Variants in FBXL5 observed in about 807,000 individuals in gnomAD.
FBXL5 encodes the protein F-box and leucine rich repeat protein 5.
FBXL5 carries 26 observed loss-of-function variants against 78.3 expected under a neutral mutation model. The ratio of observed to expected loss-of-function variants is 0.33; its 90% confidence interval spans 0.24 to 0.46. The LOEUF (loss-of-function observed/expected upper bound fraction) is 0.46, where lower values mean the gene tolerates loss of function less well. Ranked by LOEUF, FBXL5 falls within the 20% of genes least tolerant of loss-of-function variation. The probability of loss-of-function intolerance (pLI) is 1.00; values close to 1 mark genes in which losing one functional copy is unlikely to be tolerated. For missense variants in FBXL5, 710 were observed against 829.2 expected, an observed-to-expected ratio of 0.86 and a Z score of 1.77; for synonymous variants, 295 against 282.5, an observed-to-expected ratio of 1.04 and a Z score of -0.45.
At chr4:15,664,548 TC>T (rs1717452022), upstream of FBXL5, among the ~76,000 whole-genome samples, 2 of 127,582 alleles carry the variant, frequency 1.6e-5, no homozygotes, top group South Asian at 2.6e-4. Context: ...TGGGCCCTCA[TC>T]CTTTTTTTTT....
Position 15,655,221 on chromosome 4 carries a change from C to T in FBXL5, c.67G>A (p.Gly23Arg). 1.4e-6 allele frequency: 2 copies of T among 1,434,860 alleles called. No homozygotes were observed. Among genetic ancestry groups the T allele is most frequent in the Non-Finnish European group, 1.9e-6 (2 of 1,073,460 alleles). 88.9% of individuals were successfully genotyped at this position (1,434,860 alleles called of 1,614,324 possible). ...APHWRMKQLVGLYCDKLSKTN... is the reference protein window; with the variant it reads ...APHWRMKQLVRLYCDKLSKTN... The stretch of plus-strand genomic sequence containing the variant: ...TCCGTTACCTTGTCGCAGTAGAGCC[C>T]CACCAGCTGCTTCATCCGCCAGTGT... Residue 23 changes from glycine to arginine, a missense_variant, in exon 1 of 11, where the codon GGG becomes AGG. Gly to Arg is a moderately radical substitution (Grantham distance 125, BLOSUM62 -2). Coordinates refer to ENST00000341285, the MANE Select transcript of FBXL5 (RefSeq NM_012161.4).
Position 15,627,997 on chromosome 4 carries a change from G to A in FBXL5, c.929C>T (p.Ala310Val). 6.2e-7 allele frequency: 1 copy of A among 1,613,648 alleles called. No individual in the cohort carries two copies. Among genetic ancestry groups the A allele is most frequent in the Non-Finnish European group, 8.5e-7 (1 of 1,179,808 alleles). ...SAEESIAISI[A>V]QMEKRLLHGL... is the part of the protein sequence containing the mutation. ...ATGGAGTAAACGTTTTTCCATTTGT[G>A]CAATGCTGATAGCAATTGATTCCTC... The change falls in exon 7 of 11, where the codon GCA becomes GTA. Residue 310 changes from alanine (A) to valine (V), a missense_variant. By Grantham distance (64) the Ala-to-Val change is moderately conservative (BLOSUM62 0). Transcript: ENST00000341285.
intron 1 of FBXL5, among the ~76,000 whole-genome samples, chr4:15,648,793 G>C (rs1715632350): frequency 6.6e-6 from 1 of 152,186 alleles, no homozygotes; most frequent in Non-Finnish European, 1.5e-5. Context: ...ATAAGGTACA[G>C]TATGGTGACT....
At chr4:15,677,552 T>C (rs1718039277) in intron 1 of FBXL5, among the ~76,000 whole-genome samples, 2 of 152,118 alleles carry the variant, frequency 1.3e-5, no homozygotes, top group Non-Finnish European at 2.9e-5. Flanking sequence ...GAGACTGAGT[T>C]CAAATAAGTG....
At chr4:15,609,547 T>G (rs906773292) in intron 10 of FBXL5, among the ~76,000 whole-genome samples, 5 of 152,018 alleles carry the variant, frequency 3.3e-5, no homozygotes, top group Admixed American at 2.0e-4. Context: ...TATGAGCTAA[T>G]CTATCTTAAT....
At chr4:15,638,401 T>C in intron 4 of FBXL5, 107 bp downstream of exon 4, 3 of 692,370 alleles carry the variant, frequency 4.3e-6, no homozygotes, top group Middle Eastern at 3.0e-4. Flanking sequence ...CTGACCACAG[T>C]GCAGGCCTAA....
At chr4:15,655,943 G>T (rs1258613918), upstream of FBXL5, among the ~76,000 whole-genome samples, 1 of 152,232 alleles carries the variant, frequency 6.6e-6, no homozygotes. Flanking sequence ...CTTCGGTCCC[G>T]GGCGGCAGCC....
intron 10 of FBXL5, among the ~76,000 whole-genome samples, chr4:15,610,109 A>T (rs1429723729): frequency 6.6e-6 from 1 of 152,076 alleles, no homozygotes; most frequent in Non-Finnish European, 1.5e-5. Flanking sequence ...CAGAAATAAT[A>T]AAAATAGTAA....
intron 1 of FBXL5, among the ~76,000 whole-genome samples, chr4:15,654,794 C>G (rs1267900447): frequency 6.6e-6 from 1 of 151,930 alleles, no homozygotes; most frequent in Non-Finnish European, 1.5e-5. Context: ...AACAACTACT[C>G]GGTGCAGATG....
chr4:15,644,850 T>C, intron 1 of FBXL5, 142 bp from the exon 2 acceptor site: 1 of 631,420 alleles, frequency 1.6e-6, no homozygotes, highest in Non-Finnish European at 2.7e-6. Flanking sequence ...AAGAAATTCA[T>C]AAATTAACAA....
chr4:15,675,572 ATTTTTTTTTTTT>A (rs60660814), intron 1 of FBXL5, among the ~76,000 whole-genome samples: 1 of 96,704 alleles, frequency 1.0e-5, no homozygotes, highest in Non-Finnish European at 2.0e-5. Flanking sequence ...CAAAACTCCT[ATTTTTTTTTTTT>A]TTTTTTTTTT....
chr4:15,666,553 C>T, intron 1 of FBXL5, among the ~76,000 whole-genome samples: 1 of 125,620 alleles, frequency 8.0e-6, no homozygotes, highest in Non-Finnish European at 1.9e-5. Context: ...GTCAGGTAGA[C>T]AGGAGGAATA....
upstream of FBXL5, among the ~76,000 whole-genome samples, chr4:15,659,555 T>A (rs1050802304): frequency 2.0e-5 from 3 of 152,200 alleles, no homozygotes; most frequent in African/African-American, 7.2e-5. Flanking sequence ...TATAGAGTAG[T>A]CCCATTCCTT....
rs1490312764 is a variant in FBXL5 at position 15,625,566 on chromosome 4, G to T, written c.1536C>A (p.Asn512Lys). 6.2e-7 allele frequency: 1 copy of T among 1,614,194 alleles called. No individual in the cohort carries two copies. Among genetic ancestry groups the T allele is most frequent in the Non-Finnish European group, 8.5e-7 (1 of 1,180,042 alleles). Residue 512 changes from asparagine to lysine, a missense_variant, in exon 9 of 11, where the codon AAC becomes AAA. This residue lies in a region of FBXL5 where 517 missense variants were observed against 542.9 expected (regional missense o/e 0.95). Coordinates refer to ENST00000341285, the MANE Select transcript of FBXL5 (RefSeq NM_012161.4). The stretch of plus-strand genomic sequence containing the variant: ...AACAACCAGAGGTGGAACAACTAAA[G>T]TTGGATGCTGTTTCCATTACACAAA... The part of the protein sequence containing the change: ...ESLCVMETAS[N>K]FSCSTSGCFS...
chr4:15,605,896 T>C, intron 10 of FBXL5, 97 bp from the exon 11 acceptor site: 1 of 826,848 alleles, frequency 1.2e-6, no homozygotes, highest in Non-Finnish European at 2.0e-6. Flanking sequence ...TTGGTTTTAC[T>C]AGCAGTACTT....
At chr4:15,627,166 G>A (rs1339906640) in intron 7 of FBXL5, among the ~76,000 whole-genome samples, 3 of 121,028 alleles carry the variant, frequency 2.5e-5, no homozygotes, top group African/African-American at 9.7e-5. Context: ...ACAGAGTCTC[G>A]CTCTGTCACC....
intron 10 of FBXL5, among the ~76,000 whole-genome samples, chr4:15,611,752 A>T (rs1722282559): frequency 6.6e-6 from 1 of 152,082 alleles, no homozygotes; most frequent in East Asian, 1.9e-4. Flanking sequence ...TCTTCTCAAT[A>T]CTACATACTG....
chr4:15,625,397 T>G lies in FBXL5; in HGVS notation c.1705A>C (p.Met569Leu). 6.2e-7 allele frequency: 1 copy of G among 1,614,158 alleles called. No individual in the cohort carries two copies. Among genetic ancestry groups the G allele is most frequent in the Admixed American group, 1.7e-5 (1 of 60,018 alleles). ...CTAGTCCTTGCTGCTTTTCTACACA[T>G]TGCAGAAGATTCTGGGAGTGATGAC... ...TMSSLPESSA[M>L]CRKAARTRLP... is the part of the protein sequence containing the mutation. The change falls in exon 9 of 11, where the codon ATG becomes CTG. Residue 569 changes from methionine (M) to leucine (L), a missense_variant. This residue lies in a region of FBXL5 where 517 missense variants were observed against 542.9 expected (regional missense o/e 0.95). Coordinates refer to ENST00000341285, the MANE Select transcript of FBXL5 (RefSeq NM_012161.4).
At chr4:15,655,756 T>C (rs556806445), upstream of FBXL5, among the ~76,000 whole-genome samples, 257 of 152,290 alleles carry the variant, frequency 1.7e-3, no homozygotes, top group African/African-American at 5.7e-3. Context: ...CGACGCCTGC[T>C]TGGCCTGGGT....
Sources: gnomAD v4.1 joint callset for allele counts (sites outside exome capture counted in the v4.1 genomes callset) on GRCh38, gnomAD v4.1.1 for gene constraint, gnomAD v4.1.1 regional missense constraint, MANE v1.5 for transcripts, NCBI Gene and HGNC (gene_info 2026-07-23, HGNC 2026-07-21) for gene names.